SGCD: variants seen among roughly 807,000 people sequenced by gnomAD.
SGCD encodes sarcoglycan delta.
In SGCD, 18 loss-of-function variants were observed where a neutral mutation model predicts 36.6. The observed-to-expected ratio is 0.49, with a 90% CI of 0.34 to 0.73. The LOEUF (loss-of-function observed/expected upper bound fraction) is 0.73. SGCD is among the 30% of genes least tolerant of loss of function. The pLI is 0.01. For synonymous variants in SGCD, 133 were observed against 130.6 expected, an observed-to-expected ratio of 1.02 and a Z score of -0.12; for missense variants, 387 against 346.7, an observed-to-expected ratio of 1.12 and a Z score of -0.92.
At chr5:156,229,821 A>G (rs1426975696) in intron 3 of SGCD, among the ~76,000 whole-genome samples, 2 of 152,122 alleles carry the variant, frequency 1.3e-5, no homozygotes, top group Non-Finnish European at 2.9e-5. Context: ...GTCGTTTAAC[A>G]TAATCTCAGA....
intron 4 of SGCD, among the ~76,000 whole-genome samples, chr5:156,520,952 T>C (rs1757374815): frequency 7.1e-6 from 1 of 141,700 alleles, no homozygotes; most frequent in Non-Finnish European, 1.5e-5. Flanking sequence ...GGGAGGTGGA[T>C]ATTGCAGTGA....
At chr5:156,688,046 T>A (rs1327840872) in intron 7 of SGCD, among the ~76,000 whole-genome samples, 2 of 152,158 alleles carry the variant, frequency 1.3e-5, no homozygotes, top group Non-Finnish European at 2.9e-5. Context: ...ACACTTCAGC[T>A]TTGAGTTGTC....
intron 3 of SGCD, among the ~76,000 whole-genome samples, chr5:156,284,810 A>G (rs1766551029): frequency 1.3e-5 from 2 of 152,272 alleles, no homozygotes; most frequent in South Asian, 4.2e-4. Flanking sequence ...ATAGTGTTGG[A>G]AGTTCTGGCC....
At chr5:156,282,300 T>A (rs1264381176) in intron 3 of SGCD, among the ~76,000 whole-genome samples, 1 of 152,176 alleles carries the variant, frequency 6.6e-6, no homozygotes, top group Non-Finnish European at 1.5e-5. Flanking sequence ...CTCATCCTGC[T>A]TTTATTTTCT....
chr5:156,262,132 G>T (rs1765884845), intron 3 of SGCD, among the ~76,000 whole-genome samples: 1 of 152,108 alleles, frequency 6.6e-6, no homozygotes, highest in South Asian at 2.1e-4. Context: ...TGGTAGTATA[G>T]AGTAGTGTCC....
chr5:155,954,761 T>C (rs1387185014), intron 1 of SGCD, among the ~76,000 whole-genome samples: 9 of 152,094 alleles, frequency 5.9e-5, no homozygotes, highest in Non-Finnish European at 1.2e-4. Flanking sequence ...ACAGGATGTA[T>C]GTATATCCAG....
intron 4 of SGCD, among the ~76,000 whole-genome samples, chr5:156,516,332 G>A (rs959989068): frequency 3.3e-5 from 5 of 152,232 alleles, no homozygotes; most frequent in Non-Finnish European, 7.3e-5. Context: ...GGAAGGAGCA[G>A]ACAGCCGTCC....
chr5:156,566,434 T>C (rs1168234968), intron 4 of SGCD, among the ~76,000 whole-genome samples: 4 of 152,280 alleles, frequency 2.6e-5, no homozygotes, highest in East Asian at 3.9e-4. Flanking sequence ...AGAAGAAACA[T>C]TAAAACTTAA....
intron 1 of SGCD, among the ~76,000 whole-genome samples, chr5:156,072,356 T>C (rs1393821408): frequency 1.3e-5 from 2 of 152,110 alleles, no homozygotes; most frequent in Non-Finnish European, 2.9e-5. Context: ...CATTTGCTTG[T>C]CTGTAAAGTA....
At chr5:155,995,096 C>T (rs1403808160) in intron 1 of SGCD, among the ~76,000 whole-genome samples, 2 of 152,146 alleles carry the variant, frequency 1.3e-5, no homozygotes, top group African/African-American at 4.8e-5. Flanking sequence ...CACACATTGG[C>T]AGGACTTAGG....
chr5:156,682,819 A>G (rs975871840), intron 7 of SGCD, among the ~76,000 whole-genome samples: 7 of 152,204 alleles, frequency 4.6e-5, no homozygotes, highest in Non-Finnish European at 8.8e-5. Flanking sequence ...TGGAAGCAAC[A>G]TTAGTACCGT....
chr5:156,127,852 T>A (rs1202824769), intron 3 of SGCD, among the ~76,000 whole-genome samples: 11 of 7,244 alleles, frequency 1.5e-3, no homozygotes, highest in Non-Finnish European at 2.0e-3. Context: ...GAAACATAAA[T>A]GCAAAAAAAA....
At chr5:155,765,866 C>T in the SGCD span, among the ~76,000 whole-genome samples, 492 of 152,160 alleles carry the variant, frequency 3.2e-3, 1 homozygote, top group Admixed American at 5.8e-3. Flanking sequence ...CTGTGGTTGG[C>T]GAAGCTGAAC....
At chr5:156,186,048 A>T (rs767993175) in intron 3 of SGCD, among the ~76,000 whole-genome samples, 1 of 150,324 alleles carries the variant, frequency 6.7e-6, no homozygotes, top group Non-Finnish European at 1.5e-5. Context: ...GGCCACTTTA[A>T]TGTTTACTAG....
intron 3 of SGCD, among the ~76,000 whole-genome samples, chr5:156,358,490 A>G (rs1338002443): frequency 6.6e-6 from 1 of 152,230 alleles, no homozygotes; most frequent in Admixed American, 6.5e-5. Context: ...TGACAGCCTT[A>G]TGAATGAGAA....
intron 3 of SGCD, among the ~76,000 whole-genome samples, chr5:156,152,620 C>T (rs549543775): frequency 2.7e-4 from 41 of 151,750 alleles, no homozygotes; most frequent in Middle Eastern, 6.8e-3. Flanking sequence ...ATTTCTAATA[C>T]ATTTTCAATG....
At chr5:156,596,029 G>A (rs1052805751) in intron 6 of SGCD, among the ~76,000 whole-genome samples, 1 of 152,092 alleles carries the variant, frequency 6.6e-6, no homozygotes, top group Non-Finnish European at 1.5e-5. Context: ...TGGGCAAGTT[G>A]CTGGCATCAC....
chr5:155,923,177 G>A (rs1005090896), intron 1 of SGCD, among the ~76,000 whole-genome samples: 4 of 152,122 alleles, frequency 2.6e-5, no homozygotes, highest in African/African-American at 7.2e-5. Context: ...ACATTTACAG[G>A]TTTTGAACTT....
chr5:155,788,052 A>G, the SGCD span, among the ~76,000 whole-genome samples: 1 of 152,176 alleles, frequency 6.6e-6, no homozygotes, highest in Non-Finnish European at 1.5e-5. Context: ...CACCAACCAA[A>G]GATATCCGCT....
Sources: allele counts gnomAD v4.1 joint callset (sites outside exome capture counted in the v4.1 genomes callset), GRCh38; gene constraint gnomAD v4.1.1; transcripts MANE v1.5; gene names NCBI Gene and HGNC (gene_info 2026-07-23, HGNC 2026-07-21).